Variants in OSBPL10 observed in about 807,000 individuals in gnomAD.
OSBPL10 encodes the protein oxysterol-binding protein-related protein 10.
OSBPL10 carries 49 observed loss-of-function variants against 81.7 expected under a neutral mutation model. That is an observed-to-expected ratio of 0.60 (90% CI 0.48 to 0.76). OSBPL10 has a LOEUF of 0.76. OSBPL10 is among the 30% of genes least tolerant of loss of function. The probability of loss-of-function intolerance (pLI) is 0.00; values close to 1 mark genes in which losing one functional copy is unlikely to be tolerated. For synonymous variants in OSBPL10, 419 were observed against 383.6 expected (o/e 1.09, Z -1.08); for missense variants, 923 against 987.8 (o/e 0.93, Z 0.88).
intron 2 of OSBPL10, chr3:31,990,110 G>A (rs1188860291): frequency 8.1e-6 from 13 of 1,611,680 alleles, no homozygotes; most frequent in African/African-American, 4.0e-5. Flanking sequence ...CCATACAAAT[G>A]TAAGGTTTGT....
chr3:32,035,443 T>C (rs1451265591), intron 2 of OSBPL10, among the ~76,000 whole-genome samples: 1 of 151,394 alleles, frequency 6.6e-6, no homozygotes, highest in African/African-American at 2.4e-5. Flanking sequence ...ACGCCTGTAA[T>C]CCTAGCTACT....
chr3:31,842,233 G>C (rs1700517583), intron 3 of OSBPL10, among the ~76,000 whole-genome samples: 2 of 152,182 alleles, frequency 1.3e-5, no homozygotes, highest in African/African-American at 4.8e-5. Context: ...TTTTGATTAA[G>C]GAATGATGTC....
chr3:32,042,423 AG>A (rs369442560), intron 2 of OSBPL10, among the ~76,000 whole-genome samples: 1 of 152,316 alleles, frequency 6.6e-6, no homozygotes, highest in Non-Finnish European at 1.5e-5. Context: ...GCTAGGTCAA[AG>A]TCTATTCATC....
intron 4 of OSBPL10, among the ~76,000 whole-genome samples, chr3:31,770,303 T>A (rs913379253): frequency 6.6e-6 from 1 of 152,230 alleles, no homozygotes; most frequent in Non-Finnish European, 1.5e-5. Context: ...GTTAATGCCA[T>A]ATCATTCCCC....
intron 1 of OSBPL10, among the ~76,000 whole-genome samples, chr3:31,928,744 G>T (rs1318264327): frequency 7.5e-6 from 1 of 133,078 alleles, no homozygotes; most frequent in Non-Finnish European, 1.5e-5. Flanking sequence ...CAGTCTGGGC[G>T]ACAGTGAGAC....
At chr3:31,840,786 TTATA>T (rs1164245168) in intron 3 of OSBPL10, among the ~76,000 whole-genome samples, 1 of 152,238 alleles carries the variant, frequency 6.6e-6, no homozygotes, top group Non-Finnish European at 1.5e-5. Flanking sequence ...CACAGGTGTC[TTATA>T]TACCTAGATT....
chr3:31,762,178 T>C (rs1175728057), intron 4 of OSBPL10, among the ~76,000 whole-genome samples: 1 of 152,162 alleles, frequency 6.6e-6, no homozygotes, highest in African/African-American at 2.4e-5. Flanking sequence ...TCAACAAGCT[T>C]ATCTAAAGCT....
intron 1 of OSBPL10, among the ~76,000 whole-genome samples, chr3:31,977,663 G>T (rs907036645): frequency 4.6e-5 from 7 of 152,146 alleles, no homozygotes; most frequent in Non-Finnish European, 4.4e-5. Flanking sequence ...GCAAATACTT[G>T]CTTTATCTCA....
At chr3:32,009,836 C>T (rs754748398) in intron 2 of OSBPL10, among the ~76,000 whole-genome samples, 1 of 152,128 alleles carries the variant, frequency 6.6e-6, no homozygotes, top group Non-Finnish European at 1.5e-5. Flanking sequence ...GGGGCTTAGA[C>T]ATGATTTATG....
chr3:31,869,223 A>AC (rs1455427232), intron 3 of OSBPL10, among the ~76,000 whole-genome samples: 1 of 148,720 alleles, frequency 6.7e-6, no homozygotes, highest in East Asian at 2.0e-4. Flanking sequence ...TTCAGAAAGT[A>AC]CAAAAAAATG....
chr3:31,716,953 A>G (rs935330506), intron 6 of OSBPL10: 18 of 152,302 alleles, frequency 1.2e-4, no homozygotes, highest in African/African-American at 3.4e-4. Flanking sequence ...ACACTCTCCA[A>G]TGGAAATTTC....
intron 6 of OSBPL10, among the ~76,000 whole-genome samples, chr3:31,732,317 C>G (rs573972754): frequency 6.6e-6 from 1 of 152,066 alleles, no homozygotes; most frequent in Non-Finnish European, 1.5e-5. Context: ...CATCACTGTC[C>G]GAGAATATAA....
chr3:31,738,692 G>T (rs749917399), intron 5 of OSBPL10, among the ~76,000 whole-genome samples: 2 of 152,076 alleles, frequency 1.3e-5, no homozygotes, highest in Non-Finnish European at 2.9e-5. Flanking sequence ...AGAAACAAAG[G>T]CATTAAGAAC....
chr3:31,951,213 A>G (rs370163430), intron 1 of OSBPL10, among the ~76,000 whole-genome samples: 4 of 152,208 alleles, frequency 2.6e-5, no homozygotes, highest in Admixed American at 1.3e-4. Flanking sequence ...ACAGCATTGA[A>G]AAGAAATGCA....
intron 1 of OSBPL10, among the ~76,000 whole-genome samples, chr3:31,886,007 A>AG (rs1052205129): frequency 1.4e-5 from 2 of 147,068 alleles, no homozygotes; most frequent in African/African-American, 5.0e-5. Context: ...AAAAAAAAAA[A>AG]AAAAAAAGAA....
intron 1 of OSBPL10, among the ~76,000 whole-genome samples, chr3:31,975,610 G>A (rs1028877895): frequency 2.6e-5 from 4 of 152,132 alleles, no homozygotes; most frequent in African/African-American, 9.7e-5. Flanking sequence ...GGGTGGGCAC[G>A]TCACAGGAAG....
At chr3:31,678,256 AC>A (rs1700538690) in intron 8 of OSBPL10, among the ~76,000 whole-genome samples, 1 of 152,172 alleles carries the variant, frequency 6.6e-6, no homozygotes, top group Non-Finnish European at 1.5e-5. Flanking sequence ...CTTAAGTGAA[AC>A]GGCTAGAGAC....
At chr3:31,957,297 T>C (rs1698035980) in intron 1 of OSBPL10, among the ~76,000 whole-genome samples, 1 of 152,178 alleles carries the variant, frequency 6.6e-6, no homozygotes, top group Non-Finnish European at 1.5e-5. Flanking sequence ...TTATTGTCAT[T>C]ACCCACAACC....
intron 1 of OSBPL10, among the ~76,000 whole-genome samples, chr3:32,059,138 A>T (rs939034127): frequency 6.6e-5 from 10 of 152,136 alleles, no homozygotes; most frequent in African/African-American, 2.4e-4. Flanking sequence ...CTCTACAAAA[A>T]TACAAAAATT....
Sources: gnomAD v4.1 joint callset for allele counts (sites outside exome capture counted in the v4.1 genomes callset) on GRCh38, gnomAD v4.1.1 for gene constraint, MANE v1.5 for transcripts, NCBI Gene and HGNC (gene_info 2026-07-23, HGNC 2026-07-21) for gene names.